Variants in GNA12 observed in about 807,000 individuals in gnomAD.
The protein encoded by GNA12 is G protein subunit alpha 12.
GNA12 carries 9 observed loss-of-function variants against 26.0 expected under a neutral mutation model. That is an observed-to-expected ratio of 0.35 (90% CI 0.21 to 0.60). The LOEUF (loss-of-function observed/expected upper bound fraction) is 0.60, where lower values mean the gene tolerates loss of function less well. Ranked by LOEUF, GNA12 falls within the 20% of genes least tolerant of loss-of-function variation. GNA12 has a pLI of 0.78. For synonymous variants in GNA12, 264 were observed against 219.6 expected, an observed-to-expected ratio of 1.20 and a Z score of -1.79; for missense variants, 405 against 525.8, an observed-to-expected ratio of 0.77 and a Z score of 2.25.
chr7:2,828,949 T>G (rs1447080926), intron 1 of GNA12, among the ~76,000 whole-genome samples: 1 of 152,086 alleles, frequency 6.6e-6, no homozygotes, highest in African/African-American at 2.4e-5. Flanking sequence ...GGTGTCTGCC[T>G]GCAGTCCCAG....
At chr7:2,759,851 G>A (rs1022741494) in intron 2 of GNA12, among the ~76,000 whole-genome samples, 4 of 151,860 alleles carry the variant, frequency 2.6e-5, no homozygotes, top group Non-Finnish European at 4.4e-5. Flanking sequence ...CGTCCAATGC[G>A]ATTGTCCGCC....
In GNA12 at chr7:2,731,437, T is replaced by G. The variant is rs1434842389; in HGVS notation, c.890A>C (p.Lys297Thr). Residue 297 changes from lysine (K) to threonine (T), a missense_variant, in exon 4 of 4, where the codon AAG becomes ACG. Physicochemically the swap from Lys to Thr is moderately conservative, Grantham distance 78. Coordinates refer to ENST00000275364, the MANE Select transcript of GNA12 (RefSeq NM_007353.3). This position sits in a 1 kb window ranked among gnomAD's most constrained non-coding sequence, Gnocchi z 6.0. ...CACCTTCTCCACCAGGAGGTCCATC[T>G]TGTTGAGGAAGAGAATGATGGAGAC... ...FNVSIILFLN[K>T]MDLLVEKVKT... The G allele has an allele frequency of 6.2e-7, 1 of 1,613,710 alleles. No individual in the cohort carries two copies. Among genetic ancestry groups the G allele is most frequent in the Admixed American group, 1.7e-5 (1 of 59,980 alleles).
At chr7:2,776,021 G>GTA (rs1396088254) in intron 2 of GNA12, among the ~76,000 whole-genome samples, 2 of 152,260 alleles carry the variant, frequency 1.3e-5, no homozygotes, top group Non-Finnish European at 2.9e-5. Context: ...CAGCTGGCAA[G>GTA]TATAGCCCTG....
At chr7:2,842,137 G>GGAGGAAGA (rs1562454129) in intron 1 of GNA12, among the ~76,000 whole-genome samples, 3 of 142,812 alleles carry the variant, frequency 2.1e-5, no homozygotes, top group Admixed American at 6.9e-5. Flanking sequence ...AGAAAGGAAG[G>GGAGGAAGA]AAAGAAAAGA....
chr7:2,750,282 C>T (rs1161720974), intron 2 of GNA12, among the ~76,000 whole-genome samples: 1 of 152,130 alleles, frequency 6.6e-6, no homozygotes, highest in Admixed American at 6.5e-5. Flanking sequence ...ACTGCTGCCC[C>T]CAAACTGCAG....
rs1232735804 is a variant in GNA12, at chr7:2,729,699, G to A, written c.*1482C>T. 1.3e-5 allele frequency: 2 copies of A among 152,404 alleles called. No homozygotes were observed. The highest frequency in any genetic ancestry group is 4.8e-5 in the African/African-American group (2 of 41,456). 9.4% of individuals were successfully genotyped at this position (152,404 alleles called of 1,614,324 possible). On this transcript the variant is annotated 3_prime_UTR_variant, in exon 4 of 4. Transcript: ENST00000275364. ...CCTCGGGACGAGGGCCCTGGGATAT[G>A]TGACTGAGCCACAGCAACATTCGGG...
chr7:2,767,565 T>C (rs1278124999), intron 2 of GNA12, among the ~76,000 whole-genome samples: 1 of 152,238 alleles, frequency 6.6e-6, no homozygotes, highest in Non-Finnish European at 1.5e-5. Context: ...ATACCCTTTA[T>C]AGTACCCTCT....
intron 2 of GNA12, among the ~76,000 whole-genome samples, chr7:2,791,318 C>G (rs1792512420): frequency 2.6e-5 from 4 of 152,198 alleles, no homozygotes; most frequent in African/African-American, 7.2e-5. Context: ...TGTCTGTGAC[C>G]AGCAGTGGAC....
chr7:2,789,068 T>G (rs897750068), intron 2 of GNA12, among the ~76,000 whole-genome samples: 2 of 150,540 alleles, frequency 1.3e-5, no homozygotes, highest in African/African-American at 4.9e-5. Context: ...TCCACCTGCC[T>G]TGGCCTCCCA....
chr7:2,827,804 A>G (rs1370380612), intron 1 of GNA12, among the ~76,000 whole-genome samples: 1 of 152,224 alleles, frequency 6.6e-6, no homozygotes, highest in Non-Finnish European at 1.5e-5. Flanking sequence ...TTGCTAATTA[A>G]CTACAAAAAC....
intron 1 of GNA12, among the ~76,000 whole-genome samples, chr7:2,825,886 A>G (rs1039504670): frequency 3.9e-5 from 6 of 152,148 alleles, no homozygotes; most frequent in Non-Finnish European, 5.9e-5. Flanking sequence ...CAACCAGCAC[A>G]TAGAAAGACG....
intron 2 of GNA12, among the ~76,000 whole-genome samples, chr7:2,783,683 T>TTTATTTAC (rs1370133827): frequency 8.2e-6 from 1 of 122,346 alleles, no homozygotes; most frequent in Non-Finnish European, 1.7e-5. Flanking sequence ...TATTTATTTA[T>TTTATTTAC]TTATTTATTT....
chr7:2,811,767 C>T (rs540628734), intron 1 of GNA12, among the ~76,000 whole-genome samples: 3 of 152,280 alleles, frequency 2.0e-5, no homozygotes, highest in South Asian at 4.1e-4. Context: ...GTCTTCCCTG[C>T]GGCACGGACG....
At chr7:2,795,191 T>G (rs1010507934) in intron 1 of GNA12, 48 bp from the exon 2 acceptor site, 1 of 1,397,898 alleles carries the variant, frequency 7.2e-7, no homozygotes, top group African/African-American at 1.4e-5. Flanking sequence ...TTCCAAAGAC[T>G]AAACCACGCT....
At chr7:2,815,710 T>G (rs1415774074) in intron 1 of GNA12, among the ~76,000 whole-genome samples, 1 of 152,208 alleles carries the variant, frequency 6.6e-6, no homozygotes, top group Non-Finnish European at 1.5e-5. Context: ...CCCTGGAGCC[T>G]GGTGCTCCCC....
At chr7:2,762,413 G>C (rs1041742021) in intron 2 of GNA12, 2 of 478,484 alleles carry the variant, frequency 4.2e-6, no homozygotes, top group Non-Finnish European at 7.4e-6. Context: ...CCAAAGCTTA[G>C]ACGTTAACTT....
intron 1 of GNA12, among the ~76,000 whole-genome samples, chr7:2,795,609 C>T (rs1291051240): frequency 7.4e-6 from 1 of 135,184 alleles, no homozygotes; most frequent in Non-Finnish European, 1.6e-5. Context: ...GGCTGGGCAA[C>T]AGAGCAAGAC....
chr7:2,827,817 C>T (rs939100199), intron 1 of GNA12, among the ~76,000 whole-genome samples: 1 of 152,156 alleles, frequency 6.6e-6, no homozygotes, highest in Non-Finnish European at 1.5e-5. Context: ...ACAAAAACAT[C>T]GCGCAAATTT....
chr7:2,805,961 A>T (rs1792936434), intron 1 of GNA12, among the ~76,000 whole-genome samples: 1 of 152,240 alleles, frequency 6.6e-6, no homozygotes, highest in African/African-American at 2.4e-5. Context: ...CACAAAGAGT[A>T]CAAAAAGAAC....
Sources: allele counts gnomAD v4.1 joint callset (sites outside exome capture counted in the v4.1 genomes callset), GRCh38; gene constraint gnomAD v4.1.1; non-coding constraint Gnocchi (gnomAD v3.1); transcripts MANE v1.5; gene names NCBI Gene and HGNC (gene_info 2026-07-23, HGNC 2026-07-21).